Variants in KCNIP1 observed in about 807,000 individuals in gnomAD.
KCNIP1 encodes potassium voltage-gated channel interacting protein 1.
Under a neutral mutation model 33.0 loss-of-function variants are expected in KCNIP1, and 18 were observed. That is an observed-to-expected ratio of 0.55 (90% confidence interval 0.38 to 0.81). The LOEUF is 0.81. Ranked by LOEUF, KCNIP1 falls within the 30% of genes least tolerant of loss-of-function variation. The pLI is 0.00. For missense variants in KCNIP1, 238 were observed against 271.6 expected, an observed-to-expected ratio of 0.88 and a Z score of 0.87; for synonymous variants, 93 against 98.3, an observed-to-expected ratio of 0.95 and a Z score of 0.32.
chr5:170,690,519 G>A (rs1762685245), intron 1 of KCNIP1, among the ~76,000 whole-genome samples: 1 of 152,230 alleles, frequency 6.6e-6, no homozygotes, highest in Admixed American at 6.5e-5. Flanking sequence ...TAGATGCTCA[G>A]TAAAATCTGG....
chr5:170,598,569 C>T (rs1484994502), intron 1 of KCNIP1, among the ~76,000 whole-genome samples: 5 of 152,152 alleles, frequency 3.3e-5, no homozygotes, highest in African/African-American at 1.2e-4. Flanking sequence ...AAGCAAAGAA[C>T]CAGGACATGG....
intron 5 of KCNIP1, among the ~76,000 whole-genome samples, chr5:170,732,147 C>A (rs1040526177): frequency 6.6e-6 from 1 of 152,188 alleles, no homozygotes; most frequent in South Asian, 2.1e-4. Context: ...ATGAGACTGT[C>A]CCCTGGGTCT....
intron 1 of KCNIP1, among the ~76,000 whole-genome samples, chr5:170,466,166 T>C (rs1182494264): frequency 3.9e-5 from 6 of 152,054 alleles, no homozygotes; most frequent in African/African-American, 9.7e-5. Context: ...TAGTGACAGA[T>C]GATGCATGGG....
intron 1 of KCNIP1, among the ~76,000 whole-genome samples, chr5:170,490,698 C>G (rs1388461802): frequency 2.0e-5 from 3 of 152,158 alleles, no homozygotes; most frequent in Non-Finnish European, 2.9e-5. Flanking sequence ...TCTCACATGA[C>G]TTCTCACTAC....
At position 170,576,852 on chromosome 5, in the gene KCNIP1, G is replaced by A. The variant is rs146063599; in HGVS notation, c.61+72219G>A. On this transcript the variant is annotated intron_variant, in intron 1 of 7. Coordinates refer to ENST00000328939, the MANE Select transcript of KCNIP1 (RefSeq NM_014592.4). ...TGGCTGCCCCCTTTGAAGTATTTCT[G>A]CTGAGAAAATAGTTTCTGTGTATTT... is the stretch of plus-strand genomic sequence containing the variant. Among the ~76,000 whole-genome samples, 848 of 152,294 alleles carry A rather than the reference G, an allele frequency of 5.6e-3. 26 individuals carry two copies. Among genetic ancestry groups the A allele is most frequent in the Admixed American group, 0.052 (800 of 15,296 alleles).
At chr5:170,695,879 T>G (rs994482378) in intron 1 of KCNIP1, among the ~76,000 whole-genome samples, 25 of 151,890 alleles carry the variant, frequency 1.6e-4, no homozygotes, top group South Asian at 8.3e-4. Context: ...ATTAGCCAGG[T>G]GTGGTGGCAT....
At chr5:170,367,902 CT>C (rs779664605) in intron 1 of KCNIP1, among the ~76,000 whole-genome samples, 16 of 152,128 alleles carry the variant, frequency 1.1e-4, no homozygotes, top group Non-Finnish European at 1.9e-4. Context: ...TGCATACGGA[CT>C]TTTATTTAGA....
intron 1 of KCNIP1, among the ~76,000 whole-genome samples, chr5:170,640,298 G>A (rs1451767611): frequency 6.6e-6 from 1 of 152,208 alleles, no homozygotes; most frequent in South Asian, 2.1e-4. Flanking sequence ...ATGCACATTA[G>A]TATATCAACA....
intron 1 of KCNIP1, among the ~76,000 whole-genome samples, chr5:170,438,243 C>A (rs1445824577): frequency 6.6e-6 from 1 of 152,220 alleles, no homozygotes; most frequent in Non-Finnish European, 1.5e-5. Context: ...GACCCCAGAC[C>A]AGTACTGAGC....
intron 1 of KCNIP1, among the ~76,000 whole-genome samples, chr5:170,614,987 G>A (rs1010321587): frequency 2.4e-4 from 36 of 152,174 alleles, no homozygotes; most frequent in African/African-American, 8.0e-4. Context: ...AGGCCAAGGC[G>A]GGTGAATCAC....
At chr5:170,467,003 G>A (rs1295445949) in intron 1 of KCNIP1, among the ~76,000 whole-genome samples, 2 of 152,214 alleles carry the variant, frequency 1.3e-5, no homozygotes, top group African/African-American at 2.4e-5. Flanking sequence ...ACATTACTGA[G>A]AATGTGAGTG....
chr5:170,529,994 G>A (rs768780258), intron 1 of KCNIP1, among the ~76,000 whole-genome samples: 1 of 152,096 alleles, frequency 6.6e-6, no homozygotes, highest in Non-Finnish European at 1.5e-5. Flanking sequence ...TCCTCCTCCT[G>A]ATAGTTTTCC....
In KCNIP1 at chr5:170,614,037, A is replaced by C. The variant is rs562372059; in HGVS notation, c.62-104721A>C. 1.1e-4 allele frequency among the ~76,000 whole-genome samples: 17 copies of C among 152,346 alleles called. No homozygotes were observed. The East Asian group carries it at 2.5e-3, about 23-fold the overall frequency. Reference sequence around the variant, plus strand: ...GTGTTCAATTCCTGCATAGCCACCAACAAGTCCCTGGAAACACAATTGTTG... The same window carrying C: ...GTGTTCAATTCCTGCATAGCCACCACCAAGTCCCTGGAAACACAATTGTTG... On this transcript the variant is annotated intron_variant, in intron 1 of 7. Coordinates refer to ENST00000328939, the MANE Select transcript of KCNIP1 (RefSeq NM_014592.4).
chr5:170,539,775 G>T (rs1301538827), intron 1 of KCNIP1, among the ~76,000 whole-genome samples: 1 of 152,096 alleles, frequency 6.6e-6, no homozygotes, highest in African/African-American at 2.4e-5. Flanking sequence ...AGTTGTTAAG[G>T]ACAAATGTCA....
At chr5:170,408,670 G>A (rs190988971) in intron 1 of KCNIP1, among the ~76,000 whole-genome samples, 71 of 152,266 alleles carry the variant, frequency 4.7e-4, no homozygotes, top group Admixed American at 1.6e-3. Context: ...GTGGTTTGGG[G>A]TATTTGGTAT....
chr5:170,441,980 GAAC>G (rs1429744315), intron 1 of KCNIP1, among the ~76,000 whole-genome samples: 2 of 139,296 alleles, frequency 1.4e-5, no homozygotes, highest in African/African-American at 5.2e-5. Flanking sequence ...AAAAAAGAAT[GAAC>G]AACTGCTGAC....
Position 170,415,525 on chromosome 5 carries a change from C to A in KCNIP1, c.88+61561C>A, listed in dbSNP as rs1214927653. ...GGTGAGAACCACTGCTTAGCCTCCC[C>A]GGGGAACATGGCTGGTTCCTTCTTT... On this transcript the variant is annotated intron_variant, in intron 1 of 7. Coordinates refer to the KCNIP1 transcript ENST00000377360. Among the ~76,000 whole-genome samples the A allele has an allele frequency of 2.0e-5, 3 of 151,162 alleles. No individual in the cohort carries two copies. In the East Asian group the frequency reaches 5.8e-4, roughly 29 times the overall value.
chr5:170,664,922 T>A (rs1437332583), intron 1 of KCNIP1, among the ~76,000 whole-genome samples: 1 of 152,146 alleles, frequency 6.6e-6, no homozygotes, highest in Non-Finnish European at 1.5e-5. Flanking sequence ...TTTAGTTGAC[T>A]CCCGAACTAA....
chr5:170,591,679 T>C (rs993989265), intron 1 of KCNIP1, among the ~76,000 whole-genome samples: 3 of 152,222 alleles, frequency 2.0e-5, no homozygotes, highest in Non-Finnish European at 2.9e-5. Flanking sequence ...TCTAGGTACC[T>C]CGTATAATTG....
Sources: gnomAD v4.1 joint callset for allele counts (sites outside exome capture counted in the v4.1 genomes callset) on GRCh38, gnomAD v4.1.1 for gene constraint, MANE v1.5 for transcripts, NCBI Gene and HGNC (gene_info 2026-07-23, HGNC 2026-07-21) for gene names.